HDAC9: variants seen among roughly 807,000 people sequenced by gnomAD.
The protein encoded by HDAC9 is histone deacetylase 9.
Under a neutral mutation model 139.4 loss-of-function variants are expected in HDAC9, and 41 were observed. The ratio of observed to expected loss-of-function variants is 0.29; its 90% CI spans 0.23 to 0.38. The LOEUF is 0.38. HDAC9 is among the 10% of genes least tolerant of loss of function. The pLI, the probability that HDAC9 is intolerant of heterozygous loss-of-function variation, is 1.00. For synonymous variants in HDAC9, 517 were observed against 476.2 expected (o/e 1.09, Z -1.12); for missense variants, 1,147 against 1,297.0 (o/e 0.88, Z 1.78).
At chr7:18,320,213 G>A (rs995282267) in intron 1 of HDAC9, among the ~76,000 whole-genome samples, 3 of 152,196 alleles carry the variant, frequency 2.0e-5, no homozygotes, top group African/African-American at 7.2e-5. Context: ...ATCTGCTTAT[G>A]AGATTAATTT....
At chr7:18,145,357 A>G (rs1280404926) in intron 1 of HDAC9, among the ~76,000 whole-genome samples, 1 of 152,180 alleles carries the variant, frequency 6.6e-6, no homozygotes, top group African/African-American at 2.4e-5. Context: ...ATGTAATGGC[A>G]TTGGGTGCAG....
intron 1 of HDAC9, among the ~76,000 whole-genome samples, chr7:18,455,042 T>G (rs1793216765): frequency 6.6e-6 from 1 of 152,096 alleles, no homozygotes; most frequent in Admixed American, 6.6e-5. Context: ...TTGGTCTTGA[T>G]TTTTTCTTTC....
At chr7:18,688,521 A>C (rs1014312246) in intron 12 of HDAC9, among the ~76,000 whole-genome samples, 2 of 151,854 alleles carry the variant, frequency 1.3e-5, no homozygotes, top group African/African-American at 2.4e-5. Context: ...TGAAGGTTAC[A>C]TGTTTATTCT....
intron 6 of HDAC9, among the ~76,000 whole-genome samples, chr7:18,614,550 G>A (rs190869127): frequency 6.6e-6 from 1 of 152,144 alleles, no homozygotes; most frequent in Admixed American, 6.5e-5. Flanking sequence ...CAGAGTAAGT[G>A]CTTGGTAAAT....
At chr7:18,299,360 A>G (rs1798384655) in intron 1 of HDAC9, among the ~76,000 whole-genome samples, 1 of 152,058 alleles carries the variant, frequency 6.6e-6, no homozygotes, top group Non-Finnish European at 1.5e-5. Flanking sequence ...TGTATTGGAG[A>G]GACAAGTAAT....
intron 9 of HDAC9, among the ~76,000 whole-genome samples, chr7:18,646,171 T>A (rs1787334953): frequency 6.6e-6 from 1 of 152,138 alleles, no homozygotes; most frequent in Non-Finnish European, 1.5e-5. Flanking sequence ...TCTCTTCTAA[T>A]GATAAGTAAA....
chr7:18,282,764 T>C (rs911932869), intron 2 of HDAC9, among the ~76,000 whole-genome samples: 4 of 152,040 alleles, frequency 2.6e-5, no homozygotes, highest in African/African-American at 9.7e-5. Context: ...ACATGGTTGA[T>C]GTTGTAGTCT....
chr7:18,770,966 G>T (rs931702608), intron 16 of HDAC9, among the ~76,000 whole-genome samples: 1 of 152,104 alleles, frequency 6.6e-6, no homozygotes, highest in African/African-American at 2.4e-5. Context: ...AGACAGCAGA[G>T]AATTCCACTT....
chr7:18,631,621 A>C (rs1782376101), intron 7 of HDAC9, among the ~76,000 whole-genome samples: 2 of 151,888 alleles, frequency 1.3e-5, no homozygotes, highest in African/African-American at 4.8e-5. Context: ...AGCTCTTTTC[A>C]AACTCATTCC....
At chr7:18,253,330 C>T (rs542728397) in intron 2 of HDAC9, among the ~76,000 whole-genome samples, 1 of 141,024 alleles carries the variant, frequency 7.1e-6, no homozygotes, top group East Asian at 2.1e-4. Context: ...AATTGCCACA[C>T]TGTTTTCCAG....
chr7:18,582,638 C>T (rs976838332), intron 2 of HDAC9, among the ~76,000 whole-genome samples: 5 of 152,088 alleles, frequency 3.3e-5, no homozygotes, highest in Middle Eastern at 3.4e-3. Context: ...CAAATGGATG[C>T]GACATATTTT....
At chr7:18,954,374 C>G (rs529674108) in intron 24 of HDAC9, 144 bp downstream of exon 24, 6 of 641,216 alleles carry the variant, frequency 9.4e-6, no homozygotes, top group African/African-American at 7.5e-5. Flanking sequence ...ATGTGTTGCT[C>G]TTAATGCAGC....
At chr7:18,202,162 T>C (rs962000617) in intron 2 of HDAC9, among the ~76,000 whole-genome samples, 5 of 152,242 alleles carry the variant, frequency 3.3e-5, no homozygotes, top group Admixed American at 2.0e-4. Context: ...TGTTTTGCTT[T>C]CATTTTCCTG....
intron 6 of HDAC9, among the ~76,000 whole-genome samples, chr7:18,623,011 G>A (rs1032641100): frequency 6.6e-6 from 1 of 151,984 alleles, no homozygotes; most frequent in Non-Finnish European, 1.5e-5. Context: ...GGGTTTGGTG[G>A]CATGTGCCTA....
At chr7:18,203,068 G>T (rs1791255856) in intron 2 of HDAC9, among the ~76,000 whole-genome samples, 1 of 152,154 alleles carries the variant, frequency 6.6e-6, no homozygotes, top group African/African-American at 2.4e-5. Context: ...GTGCCTAATT[G>T]GGTGAATAGA....
intron 1 of HDAC9, among the ~76,000 whole-genome samples, chr7:18,130,526 A>C (rs1402267283): frequency 6.6e-6 from 1 of 152,218 alleles, no homozygotes; most frequent in Middle Eastern, 3.4e-3. Context: ...TATAATTTAC[A>C]TATCATACAG....
chr7:18,481,184 GTAA>G (rs1038828647), intron 1 of HDAC9, among the ~76,000 whole-genome samples: 13 of 152,168 alleles, frequency 8.5e-5, no homozygotes, highest in African/African-American at 2.2e-4. Context: ...GTAAATATCA[GTAA>G]TAATAATAAT....
At chr7:18,955,402 C>T (rs569389823) in intron 24 of HDAC9, among the ~76,000 whole-genome samples, 2 of 152,138 alleles carry the variant, frequency 1.3e-5, no homozygotes, top group East Asian at 3.9e-4. Context: ...TCTCTTCATC[C>T]ACATGCAATC....
At chr7:18,977,508 A>G (rs1196555641) in intron 25 of HDAC9, among the ~76,000 whole-genome samples, 1 of 152,224 alleles carries the variant, frequency 6.6e-6, no homozygotes, top group Non-Finnish European at 1.5e-5. Flanking sequence ...AAGTAATATA[A>G]AAATCTCAGC....
Sources: allele counts gnomAD v4.1 joint callset (sites outside exome capture counted in the v4.1 genomes callset), GRCh38; gene constraint gnomAD v4.1.1; transcripts MANE v1.5; gene names NCBI Gene and HGNC (gene_info 2026-07-23, HGNC 2026-07-21).